The following SMAP2 variants were observed in gnomAD, a reference collection of about 807,000 sequenced individuals.
SMAP2 encodes the protein stromal membrane-associated protein 2.
A neutral mutation model predicts 56.4 loss-of-function variants in SMAP2; 25 were observed. That is an observed-to-expected ratio of 0.44 (90% CI 0.32 to 0.62). The LOEUF (loss-of-function observed/expected upper bound fraction) is 0.62. Among genes scored for constraint, SMAP2 ranks in the 20% least tolerant of loss-of-function variants. The probability of loss-of-function intolerance (pLI) is 0.04; values close to 1 mark genes in which losing one functional copy is unlikely to be tolerated. For missense variants in SMAP2, 388 were observed against 545.6 expected (o/e 0.71, Z 2.88); for synonymous variants, 157 against 181.7 (o/e 0.86, Z 1.09).
At position 40,363,795 on chromosome 1, in the gene SMAP2, G is replaced by A. The variant is rs72948138; in HGVS notation, c.55+1359G>A. Among the ~76,000 whole-genome samples the A allele has an allele frequency of 2.4e-3, 368 of 152,348 alleles. 1 individual carries two copies. The highest frequency in any genetic ancestry group is 7.9e-3 in the African/African-American group (329 of 41,592). On this transcript the variant is annotated intron_variant, in intron 2 of 6. Coordinates refer to the SMAP2 transcript ENST00000435168. Reference sequence around the variant, plus strand: ...AGAGAACTGGTGTGCTTGGGGGAAGGAGAGTGCAGTGATTGTGGGACTTTA... The same window carrying A: ...AGAGAACTGGTGTGCTTGGGGGAAGAAGAGTGCAGTGATTGTGGGACTTTA...
chr1:40,383,130 G>A (rs893520614), intron 1 of SMAP2, among the ~76,000 whole-genome samples: 1 of 152,216 alleles, frequency 6.6e-6, no homozygotes, highest in Non-Finnish European at 1.5e-5. Flanking sequence ...CTGAACAGGG[G>A]CTGGTGAGGC....
At chr1:40,393,452 A>C in intron 1 of SMAP2, 1 of 1,535,658 alleles carries the variant, frequency 6.5e-7, no homozygotes, top group East Asian at 2.4e-5. Flanking sequence ...TTGCACAAAA[A>C]GATGTTTTGC....
intron 1 of SMAP2, among the ~76,000 whole-genome samples, chr1:40,400,973 A>G (rs756211649): frequency 3.9e-5 from 6 of 152,170 alleles, no homozygotes; most frequent in Non-Finnish European, 8.8e-5. Context: ...AAGAGAACCA[A>G]TGCTGGTTGG....
At chr1:40,413,576 A>G (rs185595967) in intron 5 of SMAP2, among the ~76,000 whole-genome samples, 2 of 152,316 alleles carry the variant, frequency 1.3e-5, no homozygotes, top group East Asian at 3.9e-4. Context: ...CACAGGACAT[A>G]TTGTGGCTGT....
At position 40,382,921 on chromosome 1, in the gene SMAP2, C is replaced by T. The variant is rs75891097; in HGVS notation, c.103+8698C>T. Among the ~76,000 whole-genome samples the T allele has an allele frequency of 9.0e-3, 1,370 of 152,144 alleles. 18 individuals are homozygous for T. Among genetic ancestry groups the T allele is most frequent in the African/African-American group, 0.031 (1,304 of 41,540 alleles). On this transcript the variant is annotated intron_variant, in intron 1 of 9. Transcript: ENST00000372718. ...ATGTTTTGTTTCATATTAGAAGAGA[C>T]CTTTTCTAGGTTATCTGAATAATTG...
chr1:40,391,863 A>C (rs1426709426), intron 1 of SMAP2, among the ~76,000 whole-genome samples: 3 of 152,206 alleles, frequency 2.0e-5, no homozygotes, highest in Non-Finnish European at 4.4e-5. Context: ...GTTAAACTGA[A>C]GTAACCTAAA....
At chr1:40,410,258 T>C (rs1350281330) in intron 4 of SMAP2, among the ~76,000 whole-genome samples, 2 of 151,986 alleles carry the variant, frequency 1.3e-5, no homozygotes, top group Non-Finnish European at 2.9e-5. Flanking sequence ...TATAAATTTT[T>C]AAGCAAAAGT....
intron 1 of SMAP2, among the ~76,000 whole-genome samples, chr1:40,380,741 G>T (rs888741706): frequency 6.6e-6 from 1 of 152,034 alleles, no homozygotes; most frequent in African/African-American, 2.4e-5. Context: ...TGTTGGCCAG[G>T]CTGGTCTCGA....
intron 1 of SMAP2, among the ~76,000 whole-genome samples, chr1:40,352,714 G>A (rs1180068115): frequency 2.0e-5 from 3 of 151,960 alleles, no homozygotes; most frequent in Admixed American, 2.0e-4. Context: ...AGTTTGTAGA[G>A]ACAATGCCTC....
intron 1 of SMAP2, among the ~76,000 whole-genome samples, chr1:40,387,531 T>C (rs1258380826): frequency 1.3e-5 from 2 of 152,184 alleles, no homozygotes; most frequent in South Asian, 2.1e-4. Context: ...AACTGCTTCA[T>C]TGCAGTAGAT....
At chr1:40,393,768 A>AG (rs1644741823) in intron 1 of SMAP2, among the ~76,000 whole-genome samples, 1 of 145,382 alleles carries the variant, frequency 6.9e-6, no homozygotes, top group Non-Finnish European at 1.5e-5. Context: ...CTGGTCTTGA[A>AG]CCCCTGACCT....
chr1:40,379,497 G>A (rs1298013830), intron 1 of SMAP2, among the ~76,000 whole-genome samples: 4 of 148,446 alleles, frequency 2.7e-5, no homozygotes, highest in African/African-American at 9.9e-5. Context: ...CTGTGACCAA[G>A]TTATCTTGAC....
At chr1:40,411,509 T>C (rs575230379) in intron 4 of SMAP2, among the ~76,000 whole-genome samples, 1 of 152,334 alleles carries the variant, frequency 6.6e-6, no homozygotes, top group African/African-American at 2.4e-5. Context: ...ATTGCTGGTA[T>C]ACTGTACCCA....
At chr1:40,357,867 C>T (rs1342077479) in intron 1 of SMAP2, among the ~76,000 whole-genome samples, 1 of 151,948 alleles carries the variant, frequency 6.6e-6, no homozygotes, top group Non-Finnish European at 1.5e-5. Context: ...TGTGATTACT[C>T]CAGCTTTGTT....
intron 1 of SMAP2, among the ~76,000 whole-genome samples, chr1:40,392,811 T>C (rs1200427782): frequency 6.6e-6 from 1 of 152,106 alleles, no homozygotes; most frequent in Non-Finnish European, 1.5e-5. Context: ...AAAAGTATAC[T>C]AAATTAGGCC....
intron 7 of SMAP2, 36 bp downstream of exon 7, chr1:40,415,417 T>C (rs1476008971): frequency 7.6e-7 from 1 of 1,318,550 alleles, no homozygotes; most frequent in South Asian, 1.2e-5. Context: ...TAAAGAACAT[T>C]CTGAAATGGG....
chr1:40,345,873 G>GTATTGTATTA (rs1481569104), intron 1 of SMAP2, among the ~76,000 whole-genome samples: 26 of 102,300 alleles, frequency 2.5e-4, no homozygotes, highest in African/African-American at 1.2e-3. Context: ...ATATTATATT[G>GTATTGTATTA]TATTATATTG....
At chr1:40,395,069 T>C (rs1644757004) in intron 1 of SMAP2, among the ~76,000 whole-genome samples, 1 of 152,184 alleles carries the variant, frequency 6.6e-6, no homozygotes, top group Non-Finnish European at 1.5e-5. Context: ...AAGACCCAGA[T>C]CACAGGAGAA....
At position 40,386,308 on chromosome 1, in the gene SMAP2, C is replaced by G. The variant is rs972753359; in HGVS notation, c.103+12085C>G. ...ATTAGCTGTTTGGAACAGGGATTGA[C>G]TTTGTCTCTCTGAAAGTAGGCATGA... On this transcript the variant is annotated intron_variant, in intron 1 of 9. Transcript: ENST00000372718. The surrounding 1 kb of genome is among the most constrained non-coding windows in gnomAD (Gnocchi z 4.1). Among the ~76,000 whole-genome samples, 2 of 152,190 alleles carry G rather than the reference C, an allele frequency of 1.3e-5. No individual in the cohort carries two copies. The highest frequency in any genetic ancestry group is 4.8e-5 in the African/African-American group (2 of 41,442).
Sources: gnomAD v4.1 joint callset for allele counts (sites outside exome capture counted in the v4.1 genomes callset) on GRCh38, gnomAD v4.1.1 for gene constraint, Gnocchi (gnomAD v3.1) non-coding constraint, MANE v1.5 for transcripts, NCBI Gene and HGNC (gene_info 2026-07-23, HGNC 2026-07-21) for gene names.